CTNNA3: variants seen among roughly 807,000 people sequenced by gnomAD.
CTNNA3 encodes the protein catenin alpha-3.
CTNNA3 carries 76 observed loss-of-function variants against 95.7 expected under a neutral mutation model. The ratio of observed to expected loss-of-function variants is 0.79; its 90% confidence interval spans 0.66 to 0.96. The LOEUF (loss-of-function observed/expected upper bound fraction) is 0.96, where lower values mean the gene tolerates loss of function less well. Among genes scored for constraint, CTNNA3 ranks in the 40% least tolerant of loss-of-function variants. The pLI is 0.00. For missense variants in CTNNA3, 1,191 were observed against 1,089.8 expected, an observed-to-expected ratio of 1.09 and a Z score of -1.31; for synonymous variants, 431 against 374.4, an observed-to-expected ratio of 1.15 and a Z score of -1.74.
intron 5 of CTNNA3, among the ~76,000 whole-genome samples, chr10:67,355,539 C>CA (rs964733339): frequency 4.1e-5 from 6 of 145,834 alleles, no homozygotes; most frequent in Admixed American, 6.9e-5. Context: ...AATGTAAGCA[C>CA]AAAAAAAAAG....
chr10:67,404,817 G>A (rs1845072914), intron 5 of CTNNA3, among the ~76,000 whole-genome samples: 1 of 152,106 alleles, frequency 6.6e-6, no homozygotes, highest in African/African-American at 2.4e-5. Flanking sequence ...GGAAAGAAAG[G>A]CGAGGCCACC....
chr10:66,269,110 G>A (rs11813599), intron 13 of CTNNA3, among the ~76,000 whole-genome samples: 7,214 of 152,214 alleles, frequency 0.047, 310 homozygotes, highest in African/African-American at 0.11. Context: ...TAAATGGCTT[G>A]CATACATTAA....
At chr10:66,484,457 A>G (rs551266228) in intron 11 of CTNNA3, among the ~76,000 whole-genome samples, 14 of 152,178 alleles carry the variant, frequency 9.2e-5, no homozygotes, top group South Asian at 8.3e-4. Context: ...AAAAGAGAAA[A>G]AGAGAAAGAA....
In CTNNA3 at chr10:66,435,385, T is replaced by C. The variant is rs1589246208; in HGVS notation, c.1532-56033A>G. Among the ~76,000 whole-genome samples, 8 of 152,170 alleles carry C rather than the reference T, an allele frequency of 5.3e-5. No individual in the cohort carries two copies. In the South Asian group the frequency reaches 1.7e-3, roughly 32 times the overall value. The stretch of plus-strand genomic sequence containing the variant: ...CCTGGTTTAGTCTTGGGAGGGTGTA[T>C]GTGTCCAGGAATTTATCCATTTCTT... On this transcript the variant is annotated intron_variant, in intron 11 of 17. Coordinates refer to ENST00000433211, the MANE Select transcript of CTNNA3 (RefSeq NM_013266.4).
intron 10 of CTNNA3, among the ~76,000 whole-genome samples, chr10:66,529,654 A>T (rs891206257): frequency 1.3e-5 from 2 of 152,108 alleles, no homozygotes; most frequent in Admixed American, 1.3e-4. Context: ...TTATAAAAAT[A>T]ACATTACTGA....
intron 7 of CTNNA3, among the ~76,000 whole-genome samples, chr10:67,003,757 C>A (rs1160450260): frequency 6.6e-6 from 1 of 152,004 alleles, no homozygotes; most frequent in African/African-American, 2.4e-5. Flanking sequence ...TAGATTCTGG[C>A]CAGTTAACTG....
chr10:66,017,578 C>T (rs1469359312), intron 15 of CTNNA3, among the ~76,000 whole-genome samples: 2 of 152,112 alleles, frequency 1.3e-5, no homozygotes, highest in East Asian at 1.9e-4. Flanking sequence ...GAAAATTTGG[C>T]TGACTTACAA....
At chr10:66,256,953 A>C (rs1238296839) in intron 13 of CTNNA3, among the ~76,000 whole-genome samples, 2 of 152,110 alleles carry the variant, frequency 1.3e-5, no homozygotes, top group African/African-American at 4.8e-5. Flanking sequence ...TAGAAATAAG[A>C]GGGTCATCGG....
chr10:67,159,342 C>A (rs983274040), intron 7 of CTNNA3, among the ~76,000 whole-genome samples: 4 of 152,148 alleles, frequency 2.6e-5, no homozygotes, highest in African/African-American at 9.7e-5. Flanking sequence ...TAAAGCCCTT[C>A]CTTCTATAAC....
chr10:67,533,907 GA>G (rs1339178130), intron 4 of CTNNA3, among the ~76,000 whole-genome samples: 5 of 151,882 alleles, frequency 3.3e-5, no homozygotes, highest in African/African-American at 9.7e-5. Flanking sequence ...CAACGGGATT[GA>G]AAAAAATCTG....
chr10:66,453,008 G>A (rs1564978688), intron 11 of CTNNA3, among the ~76,000 whole-genome samples: 1 of 152,076 alleles, frequency 6.6e-6, no homozygotes, highest in East Asian at 1.9e-4. Flanking sequence ...GGGTTCAGGA[G>A]ATTGAGACCA....
intron 3 of CTNNA3, among the ~76,000 whole-genome samples, chr10:67,592,629 C>T (rs959629631): frequency 6.6e-6 from 1 of 152,010 alleles, no homozygotes; most frequent in African/African-American, 2.4e-5. Context: ...ATAACCTCTC[C>T]AACTTGCTTT....
intron 7 of CTNNA3, among the ~76,000 whole-genome samples, chr10:67,164,780 C>T (rs1861687688): frequency 6.6e-6 from 1 of 152,082 alleles, no homozygotes; most frequent in African/African-American, 2.4e-5. Context: ...CAAATAAACA[C>T]ATGAAAAGAT....
chr10:66,361,681 G>A (rs974604855), intron 12 of CTNNA3, among the ~76,000 whole-genome samples: 2 of 151,590 alleles, frequency 1.3e-5, no homozygotes, highest in Non-Finnish European at 2.9e-5. Context: ...GTGACTATAG[G>A]GGTGCACCAC....
At chr10:66,169,151 T>A (rs1448119718) in intron 13 of CTNNA3, among the ~76,000 whole-genome samples, 2 of 152,174 alleles carry the variant, frequency 1.3e-5, no homozygotes, top group African/African-American at 4.8e-5. Flanking sequence ...TTGAAGCCAA[T>A]CTGTAGTCTT....
At chr10:66,450,324 T>C (rs1395429340) in intron 11 of CTNNA3, among the ~76,000 whole-genome samples, 1 of 152,116 alleles carries the variant, frequency 6.6e-6, no homozygotes, top group East Asian at 1.9e-4. Context: ...CTAACATAAA[T>C]ATAGCTGGGA....
At chr10:67,188,586 G>A (rs753993697) in intron 6 of CTNNA3, among the ~76,000 whole-genome samples, 3 of 151,996 alleles carry the variant, frequency 2.0e-5, no homozygotes, top group Non-Finnish European at 4.4e-5. Context: ...AACAGCTGGA[G>A]GTTCCTTAAA....
chr10:66,187,762 G>A (rs914134515), intron 13 of CTNNA3, among the ~76,000 whole-genome samples: 1 of 151,832 alleles, frequency 6.6e-6, no homozygotes, highest in Non-Finnish European at 1.5e-5. Flanking sequence ...ATAAACAACA[G>A]CAACAGCAAC....
At chr10:66,294,010 C>T (rs1241214184) in intron 12 of CTNNA3, among the ~76,000 whole-genome samples, 1 of 152,048 alleles carries the variant, frequency 6.6e-6, no homozygotes, top group Non-Finnish European at 1.5e-5. Context: ...TTCTAATAGA[C>T]TTTCATGAGA....
Sources: allele counts gnomAD v4.1 joint callset (sites outside exome capture counted in the v4.1 genomes callset), GRCh38; gene constraint gnomAD v4.1.1; transcripts MANE v1.5; gene names NCBI Gene and HGNC (gene_info 2026-07-23, HGNC 2026-07-21).